Variants in CNGA3 observed in about 807,000 individuals in gnomAD.
CNGA3 encodes cyclic nucleotide-gated channel alpha-3.
In CNGA3, 42 loss-of-function variants were observed where a neutral mutation model predicts 46.6. The ratio of observed to expected loss-of-function variants is 0.90; its 90% CI spans 0.70 to 1.17. The LOEUF is 1.17. Among genes scored for constraint, CNGA3 ranks in the 50% most tolerant of loss-of-function variants. CNGA3 has a pLI of 0.00. For missense variants in CNGA3, 893 were observed against 890.7 expected, an observed-to-expected ratio of 1.00 and a Z score of -0.03; for synonymous variants, 394 against 369.4, an observed-to-expected ratio of 1.07 and a Z score of -0.76.
At chr2:98,356,377 C>A (rs6753286) in intron 1 of CNGA3, among the ~76,000 whole-genome samples, 7,375 of 152,122 alleles carry the variant, frequency 0.048, 210 homozygotes, top group African/African-American at 0.072. Context: ...AGATAGAAGA[C>A]CCCAGTGATC....
chr2:98,396,929 G>C lies in CNGA3; in HGVS notation c.1759G>C (p.Ala587Pro). Residue 587 changes from alanine to proline, a missense_variant, in exon 8 of 8, where the codon GCC becomes CCC. Physicochemically the swap from Ala to Pro is conservative, Grantham distance 27 (BLOSUM62 -1). Transcript: ENST00000272602. ...CCTCTCAAAGGACGATCTCATGGAG[G>C]CCCTCACCGAGTACCCCGAAGCCAA... is the stretch of plus-strand genomic sequence containing the variant. Reference protein sequence around the residue: ...FCLSKDDLMEALTEYPEAKKA... With the variant: ...FCLSKDDLMEPLTEYPEAKKA... 1 of 1,614,086 alleles carries C rather than the reference G, an allele frequency of 6.2e-7. No individual in the cohort carries two copies. The highest frequency in any genetic ancestry group is 8.5e-7 in the Non-Finnish European group (1 of 1,180,026).
intron 4 of CNGA3, among the ~76,000 whole-genome samples, chr2:98,382,540 C>G (rs1036732933): frequency 1.3e-5 from 2 of 152,156 alleles, no homozygotes; most frequent in Non-Finnish European, 2.9e-5. Flanking sequence ...AGAGGTGCCC[C>G]GGGAGTCAGG....
chr2:98,370,128 C>T (rs1307297977), intron 2 of CNGA3, 52 bp downstream of exon 2: 1 of 1,407,452 alleles, frequency 7.1e-7, no homozygotes. Flanking sequence ...CTGGTCATTT[C>T]CACAGCTGAT....
intron 1 of CNGA3, among the ~76,000 whole-genome samples, chr2:98,358,139 A>G (rs532473380): frequency 6.6e-6 from 1 of 152,380 alleles, no homozygotes; most frequent in South Asian, 2.1e-4. Context: ...AGTTCTACTC[A>G]CAAAGAGTTT....
chr2:98,350,750 C>T (rs1691753308), intron 1 of CNGA3: 1 of 152,206 alleles, frequency 6.6e-6, no homozygotes, highest in South Asian at 2.1e-4. Context: ...AAATTTCTTC[C>T]TGTTCTTAAG....
intron 2 of CNGA3, among the ~76,000 whole-genome samples, chr2:98,370,938 C>A (rs112349546): frequency 0.16 from 24,113 of 152,160 alleles, 2,056 homozygotes; most frequent in Middle Eastern, 0.25. Context: ...GATTCTCCTG[C>A]CTCAGCCTCT....
intron 5 of CNGA3, among the ~76,000 whole-genome samples, chr2:98,385,861 A>C (rs1320680905): frequency 6.6e-6 from 1 of 152,028 alleles, no homozygotes; most frequent in South Asian, 2.1e-4. Flanking sequence ...GAGCAGGAGG[A>C]AGGTGGGGTA....
At chr2:98,390,198 C>T (rs1298518994) in intron 6 of CNGA3, among the ~76,000 whole-genome samples, 3 of 151,624 alleles carry the variant, frequency 2.0e-5, no homozygotes, top group East Asian at 3.9e-4. Context: ...TTCAGTGGCG[C>T]GATCTCAGCT....
At position 98,396,928 on chromosome 2, in the gene CNGA3, G is replaced by A; in HGVS notation, c.1758G>A (p.Glu586=). 6.2e-7 allele frequency: 1 copy of A among 1,614,152 alleles called. No individual in the cohort carries two copies. Among genetic ancestry groups the A allele is most frequent in the Non-Finnish European group, 8.5e-7 (1 of 1,180,044 alleles). Residue 586 remains glutamate (E), a synonymous_variant, in exon 8 of 8, where the codon GAG becomes GAA. Transcript: ENST00000272602. ...LFCLSKDDLM[E]ALTEYPEAKK... ...GCCTCTCAAAGGACGATCTCATGGA[G>A]GCCCTCACCGAGTACCCCGAAGCCA...
At position 98,398,286 on chromosome 2, in the gene CNGA3, A is replaced by T. The variant is rs1692971127; in HGVS notation, c.*1031A>T. ...TTGCAGAAATTAGCTTTTTTAAAAA[A>T]CAAACCCCAGTAAATATAATTTCAT... On this transcript the variant is annotated 3_prime_UTR_variant, in exon 8 of 8. Coordinates refer to ENST00000272602, the MANE Select transcript of CNGA3 (RefSeq NM_001298.3). 1 of 152,230 alleles carries T rather than the reference A, an allele frequency of 6.6e-6. No individual in the cohort carries two copies. The highest frequency in any genetic ancestry group is 1.5e-5 in the Non-Finnish European group (1 of 68,042). 9.4% of individuals were successfully genotyped at this position (152,230 alleles called of 1,614,324 possible). A position where few individuals can be genotyped will look rare whatever the true frequency, so the allele number is the denominator to read the frequency against.
At chr2:98,386,501 G>A (rs761237934) in intron 5 of CNGA3, among the ~76,000 whole-genome samples, 50 of 152,206 alleles carry the variant, frequency 3.3e-4, no homozygotes, top group Non-Finnish European at 5.9e-4. Context: ...ATGTGACTTT[G>A]CTCCTCATCT....
chr2:98,353,340 G>A (rs1691809900), intron 1 of CNGA3, among the ~76,000 whole-genome samples: 2 of 152,080 alleles, frequency 1.3e-5, no homozygotes, highest in African/African-American at 4.8e-5. Flanking sequence ...TGTTTTTGAA[G>A]CTCTGTAATA....
intron 1 of CNGA3, among the ~76,000 whole-genome samples, chr2:98,353,000 T>C (rs896397920): frequency 1.3e-5 from 2 of 152,234 alleles, no homozygotes; most frequent in African/African-American, 4.8e-5. Context: ...ACTGATTTAC[T>C]AATAGGCTTC....
chr2:98,395,656 A>G (rs909142883), intron 7 of CNGA3, among the ~76,000 whole-genome samples, 188 bp from the exon 8 acceptor site: 1 of 152,274 alleles, frequency 6.6e-6, no homozygotes, highest in Non-Finnish European at 1.5e-5. Flanking sequence ...AATAGATTAG[A>G]ACCTCATAGA....
chr2:98,350,266 G>T (rs1179620870), intron 1 of CNGA3, among the ~76,000 whole-genome samples: 1 of 152,124 alleles, frequency 6.6e-6, no homozygotes, highest in Non-Finnish European at 1.5e-5. Flanking sequence ...TTGTTGTGGG[G>T]ATTAAATGAA....
intron 4 of CNGA3, among the ~76,000 whole-genome samples, chr2:98,382,915 C>T (rs1170066145): frequency 6.6e-6 from 1 of 152,208 alleles, no homozygotes. Flanking sequence ...GCCTTCGCAG[C>T]TGAGGGAGCA....
intron 1 of CNGA3, among the ~76,000 whole-genome samples, chr2:98,350,508 C>T (rs562076288): frequency 6.6e-5 from 10 of 152,244 alleles, no homozygotes; most frequent in African/African-American, 2.4e-4. Context: ...TGGTAAGGTC[C>T]GAAAAGCATT....
intron 3 of CNGA3, among the ~76,000 whole-genome samples, chr2:98,379,571 G>T (rs1692491649): frequency 6.6e-6 from 1 of 152,196 alleles, no homozygotes; most frequent in Admixed American, 6.5e-5. Context: ...CTCCGGGAGA[G>T]GGCCCAGGGC....
At chr2:98,385,163 C>T (rs889678367) in intron 5 of CNGA3, among the ~76,000 whole-genome samples, 2 of 152,144 alleles carry the variant, frequency 1.3e-5, no homozygotes, top group African/African-American at 4.8e-5. Context: ...AGGCCAAGGC[C>T]CGTAATCCAG....
Sources: gnomAD v4.1 joint callset for allele counts (sites outside exome capture counted in the v4.1 genomes callset) on GRCh38, gnomAD v4.1.1 for gene constraint, MANE v1.5 for transcripts, NCBI Gene and HGNC (gene_info 2026-07-23, HGNC 2026-07-21) for gene names.